MLIP: variants seen among roughly 807,000 people sequenced by gnomAD.
MLIP encodes the protein muscular LMNA interacting protein.
In MLIP, 79 loss-of-function variants were observed where a neutral mutation model predicts 84.8. That is an observed-to-expected ratio of 0.93 (90% CI 0.78 to 1.12). The LOEUF (loss-of-function observed/expected upper bound fraction) is 1.12. Ranked by LOEUF, MLIP falls within the 50% of genes most tolerant of loss-of-function variation. The probability of loss-of-function intolerance (pLI) is 0.00; values close to 1 mark genes in which losing one functional copy is unlikely to be tolerated. For synonymous variants in MLIP, 504 were observed against 463.0 expected (o/e 1.09, Z -1.14); for missense variants, 1,257 against 1,160.6 (o/e 1.08, Z -1.21).
intron 3 of MLIP, among the ~76,000 whole-genome samples, chr6:54,128,424 G>A (rs907281478): frequency 6.6e-6 from 1 of 152,082 alleles, no homozygotes; most frequent in Non-Finnish European, 1.5e-5. Flanking sequence ...AGAAACCTAG[G>A]TGTCTTTTTC....
chr6:54,095,452 T>C (rs568839246), intron 1 of MLIP, among the ~76,000 whole-genome samples: 2 of 152,284 alleles, frequency 1.3e-5, no homozygotes, highest in South Asian at 4.1e-4. Flanking sequence ...TCGTGCTTTT[T>C]TTCCCCACTG....
At chr6:54,204,148 A>G (rs1288243317) in intron 11 of MLIP, among the ~76,000 whole-genome samples, 2 of 152,198 alleles carry the variant, frequency 1.3e-5, no homozygotes, top group Non-Finnish European at 2.9e-5. Flanking sequence ...TGATTTTTTT[A>G]GAAGGCATTG....
chr6:54,087,375 T>C (rs1767567519), intron 1 of MLIP, among the ~76,000 whole-genome samples: 2 of 152,186 alleles, frequency 1.3e-5, no homozygotes, highest in African/African-American at 4.8e-5. Flanking sequence ...TATCTATTAA[T>C]GAGTCCATTC....
chr6:54,237,678 T>TAA (rs572232087), intron 12 of MLIP, among the ~76,000 whole-genome samples: 4 of 116,420 alleles, frequency 3.4e-5, no homozygotes, highest in African/African-American at 6.2e-5. Flanking sequence ...AGACTGTCTC[T>TAA]AAAAAAAAAA....
At position 54,111,513 on chromosome 6, in the gene MLIP, G is replaced by T; in HGVS notation, c.34G>T (p.Gly12Trp). The T allele has an allele frequency of 1.3e-6, 2 of 1,535,958 alleles. No individual in the cohort carries two copies. The highest frequency in any genetic ancestry group is 1.7e-6 in the Non-Finnish European group (2 of 1,146,846). The change falls in exon 1 of 14, where the codon GGG (glycine) becomes TGG (tryptophan). Residue 12 changes from glycine (G) to tryptophan (W), a missense_variant. Transcript: ENST00000502396. ...AGAACAGGGGCTTCTGAGTGACTGC[G>T]GGAACAATTACTTCCAAATGACCTC... ...LSEQGLLSDC[G>W]NNYFQMTSCI...
At chr6:54,207,411 C>CG (rs1228927193) in intron 11 of MLIP, among the ~76,000 whole-genome samples, 2 of 87,174 alleles carry the variant, frequency 2.3e-5, no homozygotes, top group Non-Finnish European at 4.5e-5. Context: ...ACCTCTGCAC[C>CG]CCCCCCCCCT....
chr6:54,166,729 T>TA (rs146600783), intron 8 of MLIP, among the ~76,000 whole-genome samples: 1,850 of 152,096 alleles, frequency 0.012, 41 homozygotes, highest in African/African-American at 0.041. Flanking sequence ...TTTTATGTTA[T>TA]AAAAACTAAC....
chr6:54,217,851 C>A (rs1177508176), intron 11 of MLIP: 2 of 985,074 alleles, frequency 2.0e-6, no homozygotes, highest in Non-Finnish European at 2.4e-6. Context: ...ATATTGCATG[C>A]TAAAGCAGGA....
chr6:54,265,317 G>C (rs555740177), intron 13 of MLIP, among the ~76,000 whole-genome samples: 1 of 152,012 alleles, frequency 6.6e-6, no homozygotes, highest in Non-Finnish European at 1.5e-5. Flanking sequence ...ACTCAATTAA[G>C]TTTATCTTAT....
Position 54,155,137 on chromosome 6 carries a change from A to G in MLIP, c.2290-5230A>G, listed in dbSNP as rs75601912. Among the ~76,000 whole-genome samples, 932 of 152,206 alleles carry G rather than the reference A, an allele frequency of 6.1e-3. 12 individuals carry two copies. The highest frequency in any genetic ancestry group is 0.021 in the African/African-American group (881 of 41,536). ...ATCATGTAAAAATATTTTACTGGCA[A>G]ATATTCCCAGATCTTTAAAGAAACC... On this transcript the variant is annotated intron_variant, in intron 5 of 13. Coordinates refer to ENST00000502396, the MANE Select transcript of MLIP (RefSeq NM_001281747.2).
intron 1 of MLIP, among the ~76,000 whole-genome samples, chr6:54,115,270 C>T (rs538635822): frequency 8.5e-5 from 13 of 152,156 alleles, no homozygotes; most frequent in African/African-American, 3.1e-4. Flanking sequence ...GTAATGTACT[C>T]AAACAGGATG....
intron 9 of MLIP, among the ~76,000 whole-genome samples, chr6:54,172,647 A>T (rs1328029467): frequency 6.6e-6 from 1 of 151,598 alleles, no homozygotes; most frequent in South Asian, 2.1e-4. Context: ...TAATAAAATA[A>T]CAAGAAAGTG....
intron 1 of MLIP, among the ~76,000 whole-genome samples, chr6:54,077,294 G>C (rs1766863760): frequency 6.6e-6 from 1 of 151,618 alleles, no homozygotes; most frequent in Non-Finnish European, 1.5e-5. Context: ...GGTTTTCTTG[G>C]CTGCAACTAC....
intron 11 of MLIP, 73 bp downstream of exon 11, chr6:54,202,306 A>T: frequency 5.3e-6 from 4 of 755,018 alleles, no homozygotes; most frequent in Non-Finnish European, 7.0e-6. Flanking sequence ...ATAAATATAT[A>T]AATATATTTT....
chr6:54,154,932 T>C (rs911385600), intron 5 of MLIP, among the ~76,000 whole-genome samples: 9 of 151,962 alleles, frequency 5.9e-5, no homozygotes, highest in Non-Finnish European at 8.8e-5. Flanking sequence ...ACATCCTTAA[T>C]TGAATGCAAA....
intron 1 of MLIP, among the ~76,000 whole-genome samples, chr6:54,075,996 C>T (rs572366726): frequency 5.3e-4 from 80 of 152,144 alleles, no homozygotes; most frequent in African/African-American, 1.8e-3. Context: ...ACAAATGGTA[C>T]AAAAAGCATG....
chr6:54,193,413 G>A (rs1778082968), intron 10 of MLIP, among the ~76,000 whole-genome samples: 1 of 152,132 alleles, frequency 6.6e-6, no homozygotes, highest in African/African-American at 2.4e-5. Flanking sequence ...GAATGATGAA[G>A]AGATATTATG....
At chr6:54,153,513 C>A (rs888039009) in intron 5 of MLIP, among the ~76,000 whole-genome samples, 4 of 152,028 alleles carry the variant, frequency 2.6e-5, no homozygotes, top group Non-Finnish European at 5.9e-5. Flanking sequence ...AAACTCCAAT[C>A]TTATTAAAGA....
At chr6:54,187,898 T>G (rs1390061505) in intron 9 of MLIP, among the ~76,000 whole-genome samples, 1 of 152,096 alleles carries the variant, frequency 6.6e-6, no homozygotes, top group Non-Finnish European at 1.5e-5. Context: ...TCTCAGGTAT[T>G]CCGGAGGCTG....
Sources: gnomAD v4.1 joint callset for allele counts (sites outside exome capture counted in the v4.1 genomes callset) on GRCh38, gnomAD v4.1.1 for gene constraint, MANE v1.5 for transcripts, NCBI Gene and HGNC (gene_info 2026-07-23, HGNC 2026-07-21) for gene names.